Variants in DENND1A observed in about 807,000 individuals in gnomAD.
DENND1A encodes DENN domain-containing protein 1A.
Under a neutral mutation model 113.7 loss-of-function variants are expected in DENND1A, and 51 were observed. The ratio of observed to expected loss-of-function variants is 0.45; its 90% CI spans 0.36 to 0.57. DENND1A has a LOEUF of 0.57. Among genes scored for constraint, DENND1A ranks in the 20% least tolerant of loss-of-function variants. The pLI is 0.00. For synonymous variants in DENND1A, 565 were observed against 570.8 expected, an observed-to-expected ratio of 0.99 and a Z score of 0.14; for missense variants, 1,258 against 1,395.9, an observed-to-expected ratio of 0.90 and a Z score of 1.57.
intron 2 of DENND1A, among the ~76,000 whole-genome samples, chr9:123,850,590 G>T (rs1843201180): frequency 6.6e-6 from 1 of 152,074 alleles, no homozygotes. Flanking sequence ...TAACATTATG[G>T]ACACTGAAAG....
At chr9:123,792,839 A>G (rs1424971392) in intron 2 of DENND1A, among the ~76,000 whole-genome samples, 1 of 152,218 alleles carries the variant, frequency 6.6e-6, no homozygotes, top group Non-Finnish European at 1.5e-5. Flanking sequence ...AAAAATTTTA[A>G]AGACCTGATG....
At chr9:123,414,355 C>A (rs150930038) in intron 19 of DENND1A, 38 of 1,419,834 alleles carry the variant, frequency 2.7e-5, no homozygotes, top group South Asian at 1.1e-4. Flanking sequence ...GCCTCTCCCC[C>A]TCCCAGTCCA....
chr9:123,757,932 C>A, intron 4 of DENND1A, 110 bp from the exon 5 acceptor site: 34 of 996,648 alleles, frequency 3.4e-5, no homozygotes, highest in Middle Eastern at 2.8e-4. Flanking sequence ...CTCAGTGGAA[C>A]TCTTAAAATT....
At chr9:123,698,033 A>T (rs1449966783) in intron 5 of DENND1A, among the ~76,000 whole-genome samples, 8 of 152,226 alleles carry the variant, frequency 5.3e-5, no homozygotes, top group Admixed American at 5.2e-4. Flanking sequence ...ATAGAAGTTA[A>T]GGACCGAGAA....
intron 19 of DENND1A, among the ~76,000 whole-genome samples, chr9:123,438,176 C>T (rs1000516922): frequency 6.6e-6 from 1 of 152,174 alleles, no homozygotes; most frequent in African/African-American, 2.4e-5. Context: ...AGAAACCGTA[C>T]TTCTTACGGT....
At chr9:123,694,114 G>A (rs1467394657) in intron 5 of DENND1A, among the ~76,000 whole-genome samples, 3 of 152,036 alleles carry the variant, frequency 2.0e-5, no homozygotes, top group Admixed American at 6.5e-5. Flanking sequence ...AATTACAGGC[G>A]TGAGCCACTG....
rs896065203 is a variant in DENND1A, at chr9:123,783,035, C to T, written c.132+9552G>A. On this transcript the variant is annotated intron_variant, in intron 3 of 23. Coordinates refer to ENST00000394215, the MANE Select transcript of DENND1A (RefSeq NM_001352964.2). ...TAAATATTTGAAAAATGAAAGCTAC[C>T]GCAGTAATACAAAATACTACACACA... Among the ~76,000 whole-genome samples, 8 of 151,988 alleles carry T rather than the reference C, an allele frequency of 5.3e-5. No individual in the cohort carries two copies. In the South Asian group the frequency reaches 6.2e-4, roughly 12 times the overall value.
intron 19 of DENND1A, among the ~76,000 whole-genome samples, chr9:123,416,735 G>T (rs925749447): frequency 6.6e-6 from 1 of 152,234 alleles, no homozygotes; most frequent in Non-Finnish European, 1.5e-5. Context: ...GATGGTCAAC[G>T]CAAAGTGCCT....
intron 13 of DENND1A, among the ~76,000 whole-genome samples, chr9:123,489,622 G>A (rs149674761): frequency 2.0e-5 from 3 of 152,336 alleles, no homozygotes; most frequent in Non-Finnish European, 4.4e-5. Context: ...ACTAACACTA[G>A]TGAAAATTAG....
At chr9:123,902,911 T>A (rs1206201613) in intron 1 of DENND1A, among the ~76,000 whole-genome samples, 1 of 147,416 alleles carries the variant, frequency 6.8e-6, no homozygotes, top group Non-Finnish European at 1.5e-5. Context: ...GATGTAAACA[T>A]AAAACAAAAT....
intron 13 of DENND1A, among the ~76,000 whole-genome samples, chr9:123,532,042 T>C (rs955499061): frequency 1.1e-4 from 16 of 152,182 alleles, no homozygotes; most frequent in African/African-American, 3.9e-4. Context: ...CATGTGCATC[T>C]TGGCTAAGCT....
intron 11 of DENND1A, among the ~76,000 whole-genome samples, chr9:123,593,336 G>A (rs1349886326): frequency 2.6e-5 from 4 of 152,184 alleles, no homozygotes; most frequent in Non-Finnish European, 4.4e-5. Flanking sequence ...AGAGGATTAA[G>A]TAAAAAATTC....
chr9:123,803,920 C>T (rs1007414019), intron 2 of DENND1A, among the ~76,000 whole-genome samples: 2 of 152,216 alleles, frequency 1.3e-5, no homozygotes, highest in African/African-American at 4.8e-5. Flanking sequence ...CCAACAGCCA[C>T]ACCAATGACC....
chr9:123,681,489 T>G (rs2064454732), intron 5 of DENND1A, among the ~76,000 whole-genome samples: 1 of 152,012 alleles, frequency 6.6e-6, no homozygotes, highest in Non-Finnish European at 1.5e-5. Context: ...GGAAGGGGGC[T>G]GCAGCAGAGG....
intron 1 of DENND1A, among the ~76,000 whole-genome samples, chr9:123,922,789 A>C (rs1856489755): frequency 6.6e-6 from 1 of 152,186 alleles, no homozygotes; most frequent in Admixed American, 6.5e-5. Context: ...CAGTATCTTG[A>C]AGAGGGAAAC....
At chr9:123,728,510 A>AC (rs2067917600) in intron 5 of DENND1A, among the ~76,000 whole-genome samples, 1 of 148,074 alleles carries the variant, frequency 6.8e-6, no homozygotes, top group South Asian at 2.1e-4. Flanking sequence ...AAAAAAAAAA[A>AC]CAGGCATCAG....
At chr9:123,851,241 G>A (rs890743541) in intron 2 of DENND1A, among the ~76,000 whole-genome samples, 12 of 152,132 alleles carry the variant, frequency 7.9e-5, no homozygotes, top group Non-Finnish European at 1.8e-4. Context: ...CTATACATTA[G>A]TTTGTACTTT....
chr9:123,682,127 C>T (rs1389174422), intron 5 of DENND1A, among the ~76,000 whole-genome samples: 1 of 152,196 alleles, frequency 6.6e-6, no homozygotes, highest in East Asian at 1.9e-4. Flanking sequence ...TTATCAGAAC[C>T]AGCATCTACT....
intron 13 of DENND1A, among the ~76,000 whole-genome samples, chr9:123,512,267 TAAAGC>T (rs2053523441): frequency 6.6e-6 from 1 of 152,202 alleles, no homozygotes. Flanking sequence ...GGCCGGGGAA[TAAAGC>T]AACTTTCATT....
Sources: gnomAD v4.1 joint callset for allele counts (sites outside exome capture counted in the v4.1 genomes callset) on GRCh38, gnomAD v4.1.1 for gene constraint, MANE v1.5 for transcripts, NCBI Gene and HGNC (gene_info 2026-07-23, HGNC 2026-07-21) for gene names.